Variants in IQCJ observed in about 807,000 individuals in gnomAD.
IQCJ encodes the protein IQ motif containing J.
A neutral mutation model predicts 11.0 loss-of-function variants in IQCJ; 9 were observed. The ratio of observed to expected loss-of-function variants is 0.82; its 90% CI spans 0.49 to 1.43. The LOEUF is 1.43. Among genes scored for constraint, IQCJ ranks in the 40% most tolerant of loss-of-function variants. The pLI is 0.00. For missense variants in IQCJ, 146 were observed against 133.2 expected (o/e 1.10, Z -0.47); for synonymous variants, 55 against 51.3 (o/e 1.07, Z -0.31).
chr3:159,134,591 C>T (rs1216219492), intron 1 of IQCJ, among the ~76,000 whole-genome samples: 1 of 152,162 alleles, frequency 6.6e-6, no homozygotes, highest in African/African-American at 2.4e-5. Flanking sequence ...ATACATCTTT[C>T]TTTCAGTGAC....
chr3:159,184,003 G>T (rs539032000), intron 1 of IQCJ, among the ~76,000 whole-genome samples: 2 of 151,126 alleles, frequency 1.3e-5, no homozygotes, highest in Non-Finnish European at 2.9e-5. Flanking sequence ...CCACGCAGCA[G>T]CCAGAGATCT....
intron 1 of IQCJ, among the ~76,000 whole-genome samples, chr3:159,114,435 C>G (rs1356647859): frequency 2.6e-5 from 4 of 152,004 alleles, no homozygotes; most frequent in Admixed American, 2.0e-4. Context: ...CTCAGCCCCC[C>G]TCATAGCTGG....
At chr3:159,090,851 C>G (rs955441157) in intron 1 of IQCJ, among the ~76,000 whole-genome samples, 1 of 151,856 alleles carries the variant, frequency 6.6e-6, no homozygotes, top group Non-Finnish European at 1.5e-5. Flanking sequence ...CAAAATTGTT[C>G]AGTTGTCTGG....
chr3:159,233,157 A>T (rs962508535), intron 1 of IQCJ, among the ~76,000 whole-genome samples: 15 of 152,060 alleles, frequency 9.9e-5, no homozygotes, highest in African/African-American at 3.4e-4. Flanking sequence ...TGAGTTCATG[A>T]TCTCATTCTG....
chr3:159,087,553 T>G (rs1463969627), intron 1 of IQCJ, among the ~76,000 whole-genome samples: 1 of 151,806 alleles, frequency 6.6e-6, no homozygotes, highest in Admixed American at 6.6e-5. Context: ...GGTCCTGGAC[T>G]CTTTTTGGTT....
chr3:159,084,793 G>A (rs1716591131), intron 1 of IQCJ, among the ~76,000 whole-genome samples: 1 of 151,968 alleles, frequency 6.6e-6, no homozygotes, highest in Non-Finnish European at 1.5e-5. Flanking sequence ...GACAGAGGAG[G>A]TAACCCCATT....
chr3:159,265,180 T>G, downstream of IQCJ: 6 of 1,569,812 alleles, frequency 3.8e-6, no homozygotes, highest in African/African-American at 1.4e-5. Context: ...TGGAGTTTAG[T>G]GAGCTAAGCT....
chr3:159,094,103 C>T (rs1437998855), intron 1 of IQCJ, among the ~76,000 whole-genome samples: 1 of 151,796 alleles, frequency 6.6e-6, no homozygotes, highest in Non-Finnish European at 1.5e-5. Flanking sequence ...TACATGTTTT[C>T]TCTTGGCAAT....
chr3:159,108,723 G>A (rs1193392706), intron 1 of IQCJ, among the ~76,000 whole-genome samples: 1 of 152,190 alleles, frequency 6.6e-6, no homozygotes, highest in African/African-American at 2.4e-5. Flanking sequence ...GGGCACAGCA[G>A]TAAATTCCCA....
chr3:159,249,788 A>G (rs993153156), intron 2 of IQCJ, among the ~76,000 whole-genome samples: 17 of 152,182 alleles, frequency 1.1e-4, no homozygotes. Context: ...GGAACATTAC[A>G]TTTATTCTGA....
intron 1 of IQCJ, among the ~76,000 whole-genome samples, chr3:159,205,565 G>A (rs941019882): frequency 9.2e-5 from 14 of 152,178 alleles, no homozygotes; most frequent in African/African-American, 3.1e-4. Flanking sequence ...TTCCTGGAGT[G>A]TCCAGCCCCA....
intron 3 of IQCJ, among the ~76,000 whole-genome samples, chr3:159,261,573 A>C (rs1258164300): frequency 6.6e-6 from 1 of 152,172 alleles, no homozygotes; most frequent in Non-Finnish European, 1.5e-5. Context: ...TTTACTCAGA[A>C]GAGGTGCCTT....
At chr3:159,219,350 G>A (rs1725409602) in intron 1 of IQCJ, among the ~76,000 whole-genome samples, 1 of 152,096 alleles carries the variant, frequency 6.6e-6, no homozygotes, top group African/African-American at 2.4e-5. Context: ...GCATAGGAAG[G>A]ATGGAGGGAA....
chr3:159,131,774 A>G (rs1720006351), intron 1 of IQCJ, among the ~76,000 whole-genome samples: 1 of 152,178 alleles, frequency 6.6e-6, no homozygotes, highest in Non-Finnish European at 1.5e-5. Flanking sequence ...ACAGGTGGGA[A>G]GGGATTAAAT....
intron 1 of IQCJ, among the ~76,000 whole-genome samples, chr3:159,181,874 C>A (rs1014140989): frequency 6.6e-6 from 1 of 151,720 alleles, no homozygotes; most frequent in Admixed American, 6.6e-5. Flanking sequence ...GTGCTTGGTC[C>A]ATTGTCATGC....
chr3:159,091,674 G>GCACACACACACACA (rs1170628138), intron 1 of IQCJ, among the ~76,000 whole-genome samples: 1 of 81,270 alleles, frequency 1.2e-5, no homozygotes, highest in Admixed American at 1.0e-4. Flanking sequence ...ACACACGCAT[G>GCACACACACACACA]CACACACACA....
intron 1 of IQCJ, among the ~76,000 whole-genome samples, chr3:159,244,731 G>A (rs1304697159): frequency 6.6e-6 from 1 of 152,210 alleles, no homozygotes; most frequent in Non-Finnish European, 1.5e-5. Context: ...TGCAGTATGG[G>A]TTTAAGAGAT....
At chr3:159,080,214 C>T (rs893498130) in intron 1 of IQCJ, among the ~76,000 whole-genome samples, 5 of 152,062 alleles carry the variant, frequency 3.3e-5, no homozygotes, top group African/African-American at 9.7e-5. Flanking sequence ...ATAAACTTTG[C>T]TTTTGGTGGA....
intron 1 of IQCJ, among the ~76,000 whole-genome samples, chr3:159,170,267 A>G (rs1722416156): frequency 6.6e-6 from 1 of 151,896 alleles, no homozygotes; most frequent in South Asian, 2.1e-4. Context: ...GTTTTTCAGT[A>G]TTTTTTTTCA....
Sources: allele counts gnomAD v4.1 joint callset (sites outside exome capture counted in the v4.1 genomes callset), GRCh38; gene constraint gnomAD v4.1.1; transcripts MANE v1.5; gene names NCBI Gene and HGNC (gene_info 2026-07-23, HGNC 2026-07-21).